The following TXNDC9 variants were observed in gnomAD, a reference collection of about 807,000 sequenced individuals.
TXNDC9 encodes thioredoxin domain-containing protein 9.
A neutral mutation model predicts 23.0 loss-of-function variants in TXNDC9; 7 were observed. The ratio of observed to expected loss-of-function variants is 0.30; its 90% CI spans 0.17 to 0.57. The LOEUF (loss-of-function observed/expected upper bound fraction) is 0.57. TXNDC9 is among the 20% of genes least tolerant of loss of function. The probability of loss-of-function intolerance (pLI) is 0.90; values close to 1 mark genes in which losing one functional copy is unlikely to be tolerated. For missense variants in TXNDC9, 198 were observed against 252.6 expected, an observed-to-expected ratio of 0.78 and a Z score of 1.47; for synonymous variants, 72 against 90.6, an observed-to-expected ratio of 0.79 and a Z score of 1.17.
intron 4 of TXNDC9, among the ~76,000 whole-genome samples, chr2:99,320,601 A>G (rs1163448163): frequency 6.6e-6 from 1 of 152,226 alleles, no homozygotes; most frequent in Non-Finnish European, 1.5e-5. Context: ...CATTTTTGGT[A>G]TGAAGGACAA....
At chr2:99,318,055 T>C (rs1260006850), downstream of TXNDC9, among the ~76,000 whole-genome samples, 1 of 152,190 alleles carries the variant, frequency 6.6e-6, no homozygotes, top group East Asian at 1.9e-4. Context: ...GATGCCTGGC[T>C]AATTTTTAAA....
chr2:99,314,567 G>C (rs2094184338), downstream of TXNDC9, among the ~76,000 whole-genome samples: 1 of 110,406 alleles, frequency 9.1e-6, no homozygotes, highest in Non-Finnish European at 1.7e-5. Flanking sequence ...GTCTCACTCT[G>C]TCACCCAGGC....
chr2:99,317,202 C>A (rs999023793), downstream of TXNDC9, among the ~76,000 whole-genome samples: 1 of 152,142 alleles, frequency 6.6e-6, no homozygotes, highest in Non-Finnish European at 1.5e-5. Flanking sequence ...CTGCTTCCAA[C>A]CTATTGACCC....
downstream of TXNDC9, among the ~76,000 whole-genome samples, chr2:99,317,302 A>T (rs1409500071): frequency 6.6e-6 from 1 of 152,142 alleles, no homozygotes; most frequent in Non-Finnish European, 1.5e-5. Flanking sequence ...TGAGGACTGG[A>T]TATTTTAGAC....
At chr2:99,312,782 ACATATTT>A in the TXNDC9 span, among the ~76,000 whole-genome samples, 3 of 152,390 alleles carry the variant, frequency 2.0e-5, no homozygotes, top group South Asian at 2.1e-4. Context: ...TGCTTATTTT[ACATATTT>A]CATATTTCCT....
chr2:99,332,313 T>G (rs983361330), intron 2 of TXNDC9, among the ~76,000 whole-genome samples: 2 of 152,032 alleles, frequency 1.3e-5, no homozygotes, highest in South Asian at 2.1e-4. Flanking sequence ...CATGGTGGTG[T>G]GCGCCTGTAG....
At chr2:99,333,939 A>C (rs1559237622) in intron 1 of TXNDC9, among the ~76,000 whole-genome samples, 1 of 152,242 alleles carries the variant, frequency 6.6e-6, no homozygotes, top group Non-Finnish European at 1.5e-5. Context: ...ATACTTTTCT[A>C]AATTTTGGGT....
At chr2:99,327,690 A>G (rs2094215717) in intron 2 of TXNDC9, 37 bp from the exon 3 acceptor site, 3 of 1,315,780 alleles carry the variant, frequency 2.3e-6, no homozygotes, top group Admixed American at 1.8e-5. Context: ...CACATGTGAG[A>G]TATCTCTTTC....
In TXNDC9 at chr2:99,327,580, T is replaced by C; in HGVS notation, c.263A>G (p.Glu88Gly). The C allele has an allele frequency of 6.2e-7, 1 of 1,613,848 alleles. No homozygotes were observed. Among genetic ancestry groups the C allele is most frequent in the South Asian group, 1.1e-5 (1 of 91,040 alleles). Residue 88 changes from glutamate (E) to glycine (G), a missense_variant, in exon 3 of 5, where the codon GAG (glutamate) becomes GGG (glycine). Transcript: ENST00000264255. ...SERDFFQEVK[E>G]SENVVCHFYR... is the part of the protein sequence containing the mutation. ...GAAATGGCAAACCACATTTTCACTC[T>C]CCTTGACTTCTTGAAAAAAGTCTCT...
downstream of TXNDC9, among the ~76,000 whole-genome samples, chr2:99,316,972 G>A (rs368747022): frequency 5.9e-5 from 9 of 152,188 alleles, no homozygotes; most frequent in South Asian, 2.1e-4. Context: ...TAGCCAGGAC[G>A]GTCTCGATCT....
At chr2:99,319,934 A>G (rs2094197555) in intron 4 of TXNDC9, 135 bp from the exon 5 acceptor site, 3 of 602,016 alleles carry the variant, frequency 5.0e-6, no homozygotes, top group African/African-American at 1.9e-5. Context: ...GGGAAGAGGT[A>G]TAATGCTTAT....
At chr2:99,322,836 A>T (rs1268745523) in intron 3 of TXNDC9, 1 of 759,690 alleles carries the variant, frequency 1.3e-6, no homozygotes, top group Non-Finnish European at 1.8e-6. Flanking sequence ...AGCTCGGCTC[A>T]CTGCAAGCTC....
At chr2:99,328,667 C>T (rs1401145417) in intron 2 of TXNDC9, among the ~76,000 whole-genome samples, 1 of 152,132 alleles carries the variant, frequency 6.6e-6, no homozygotes, top group African/African-American at 2.4e-5. Flanking sequence ...CAAGTTACTA[C>T]AAGTCTTTTA....
At chr2:99,321,275 C>A (rs1206070636) in intron 4 of TXNDC9, 1 of 151,964 alleles carries the variant, frequency 6.6e-6, no homozygotes, top group African/African-American at 2.4e-5. Flanking sequence ...GGTAAGTGCA[C>A]AATTTTACCT....
At chr2:99,320,124 C>T (rs1402258636) in intron 4 of TXNDC9, among the ~76,000 whole-genome samples, 9 of 152,182 alleles carry the variant, frequency 5.9e-5, no homozygotes, top group Admixed American at 5.9e-4. Context: ...CCTCCCACCT[C>T]AGCCTCCCGA....
chr2:99,319,623 A>G lies in TXNDC9; in HGVS notation c.*59T>C. Reference sequence around the variant, plus strand: ...ATGTATAGACATTAATAGAATTTTAAAAACACATTTAAATCTGAAGCAGAA... The same window carrying G: ...ATGTATAGACATTAATAGAATTTTAGAAACACATTTAAATCTGAAGCAGAA... On this transcript the variant is annotated 3_prime_UTR_variant, in exon 5 of 5. Transcript: ENST00000264255. 2.3e-6 allele frequency: 3 copies of G among 1,313,692 alleles called. No individual in the cohort carries two copies. Among genetic ancestry groups the G allele is most frequent in the Non-Finnish European group, 3.2e-6 (3 of 932,008 alleles). 81.4% of individuals were successfully genotyped at this position (1,313,692 alleles called of 1,614,324 possible).
chr2:99,317,382 T>C (rs2094191679), downstream of TXNDC9, among the ~76,000 whole-genome samples: 1 of 152,106 alleles, frequency 6.6e-6, no homozygotes, highest in South Asian at 2.1e-4. Context: ...GCGCATTTCT[T>C]CTTGTTTAGT....
chr2:99,330,858 TTGAC>T (rs1485610807), intron 2 of TXNDC9, among the ~76,000 whole-genome samples: 1 of 152,236 alleles, frequency 6.6e-6, no homozygotes, highest in Non-Finnish European at 1.5e-5. Context: ...ACTAGGTTTC[TTGAC>T]TATTTCCAGA....
intron 3 of TXNDC9, among the ~76,000 whole-genome samples, chr2:99,326,587 C>CA (rs1301412332): frequency 3.9e-5 from 6 of 152,180 alleles, no homozygotes; most frequent in African/African-American, 1.4e-4. Flanking sequence ...AATCTGTGCA[C>CA]AAAAAACCAC....
Sources: gnomAD v4.1 joint callset for allele counts (sites outside exome capture counted in the v4.1 genomes callset) on GRCh38, gnomAD v4.1.1 for gene constraint, MANE v1.5 for transcripts, NCBI Gene and HGNC (gene_info 2026-07-23, HGNC 2026-07-21) for gene names.